NFXL1: variants seen among roughly 807,000 people sequenced by gnomAD.
The protein encoded by NFXL1 is NF-X1-type zinc finger protein NFXL1.
Under a neutral mutation model 123.3 loss-of-function variants are expected in NFXL1, and 66 were observed. That is an observed-to-expected ratio of 0.54 (90% confidence interval 0.44 to 0.66). The LOEUF (loss-of-function observed/expected upper bound fraction) is 0.66, where lower values mean the gene tolerates loss of function less well. Among genes scored for constraint, NFXL1 ranks in the 30% least tolerant of loss-of-function variants. The probability of loss-of-function intolerance (pLI) is 0.00; values close to 1 mark genes in which losing one functional copy is unlikely to be tolerated. For missense variants in NFXL1, 944 were observed against 1,125.6 expected (o/e 0.84, Z 2.31); for synonymous variants, 346 against 360.8 (o/e 0.96, Z 0.46).
At position 47,848,071 on chromosome 4, in the gene NFXL1, T is replaced by C; in HGVS notation, c.*92A>G. 5 of 742,558 alleles carry C rather than the reference T, an allele frequency of 6.7e-6. No homozygotes were observed. The highest frequency in any genetic ancestry group is 1.1e-5 in the Non-Finnish European group (5 of 469,092). The allele number at this position is 742,558 out of a possible 1,614,324, so 46.0% of individuals were successfully genotyped here. A position where few individuals can be genotyped will look rare whatever the true frequency, so the allele number is the denominator to read the frequency against. The stretch of plus-strand genomic sequence containing the variant: ...GAATACAGAGATGAATGTAAATATA[T>C]ATCATGTTCTATAATATACATTTTC... On this transcript the variant is annotated 3_prime_UTR_variant, in exon 23 of 23. Coordinates refer to ENST00000507489, the MANE Select transcript of NFXL1 (RefSeq NM_001278624.2).
intron 2 of NFXL1, 104 bp downstream of exon 2, chr4:47,913,865 A>C (rs1215832359): frequency 9.5e-6 from 7 of 734,796 alleles, no homozygotes; most frequent in Non-Finnish European, 1.5e-5. Context: ...CTCCCGAACG[A>C]GGGGAAAAGC....
chr4:47,877,287 T>A, intron 17 of NFXL1: 1 of 404,458 alleles, frequency 2.5e-6, no homozygotes, highest in East Asian at 7.1e-5. Flanking sequence ...ATTATCTTCC[T>A]GGATCACTTC....
rs538632387 is a variant in NFXL1 at position 47,855,168 on chromosome 4, A to T, written c.2317-5T>A. ...GCATCTATGACCACAAGGAAGCTAA[A>T]ATAAAATCAAAATAAAGCAATTACA... On this transcript the variant is annotated splice_polypyrimidine_tract_variant and splice_region_variant and intron_variant, in intron 19 of 22. Coordinates refer to ENST00000507489, the MANE Select transcript of NFXL1 (RefSeq NM_001278624.2). 31 of 1,521,706 alleles carry T rather than the reference A, an allele frequency of 2.0e-5. No homozygotes were observed. In the South Asian group the frequency reaches 3.6e-4, roughly 18 times the overall value. The allele number at this position is 1,521,706 out of a possible 1,614,324, so 94.3% of individuals were successfully genotyped here.
In NFXL1 at chr4:47,914,427, A is replaced by G; in HGVS notation, c.-65T>C. ...TGGACCGAAGAGGGGAGGGAGGACT[A>G]GGTACAGAAATAAACCGCGGAGCAA... On this transcript the variant is annotated 5_prime_UTR_variant, in exon 1 of 23. Coordinates refer to ENST00000507489, the MANE Select transcript of NFXL1 (RefSeq NM_001278624.2). The G allele has an allele frequency of 2.0e-6, 1 of 501,102 alleles. No homozygotes were observed. Among genetic ancestry groups the G allele is most frequent in the Non-Finnish European group, 3.6e-6 (1 of 281,242 alleles). 31.0% of individuals were successfully genotyped at this position (501,102 alleles called of 1,614,324 possible).
intron 10 of NFXL1, among the ~76,000 whole-genome samples, chr4:47,894,707 A>G (rs1025372208): frequency 7.2e-5 from 11 of 152,224 alleles, no homozygotes; most frequent in Admixed American, 3.9e-4. Flanking sequence ...TAAAGTCTCA[A>G]GTCTAGGCCT....
At chr4:47,912,830 A>T (rs533851202) in intron 2 of NFXL1, among the ~76,000 whole-genome samples, 12 of 132,598 alleles carry the variant, frequency 9.0e-5, no homozygotes, top group Admixed American at 8.7e-4. Flanking sequence ...CGTCTCTACT[A>T]AAAAAAAAAA....
rs13103697 is a variant in NFXL1, at chr4:47,847,374, C to T, written c.*789G>A. ...TGTTTTCATAAGAACTGATTATTTTCAGCTGAAATCTATTTAAGATTGTGG... is the reference window on the plus strand; with the variant it reads ...TGTTTTCATAAGAACTGATTATTTTTAGCTGAAATCTATTTAAGATTGTGG... On this transcript the variant is annotated 3_prime_UTR_variant, in exon 23 of 23. Transcript: ENST00000507489. 3.9e-5 allele frequency: 6 copies of T among 152,128 alleles called. No individual in the cohort carries two copies. The highest frequency in any genetic ancestry group is 7.4e-5 in the Non-Finnish European group (5 of 67,996). 9.4% of individuals were successfully genotyped at this position (152,128 alleles called of 1,614,324 possible). A position where few individuals can be genotyped will look rare whatever the true frequency, so the allele number is the denominator to read the frequency against.
rs781115888 is a variant in NFXL1, at chr4:47,896,503, T to C, written c.1329+20A>G. The C allele has an allele frequency of 6.2e-7, 1 of 1,601,044 alleles. No individual in the cohort carries two copies. The highest frequency in any genetic ancestry group is 1.7e-5 in the Admixed American group (1 of 59,830). Reference sequence around the variant, plus strand: ...ATGATAGGTAGCTCTTAAAAGTAATTATTACAGGAGATGACTAACTTGTCT... The same window carrying C: ...ATGATAGGTAGCTCTTAAAAGTAATCATTACAGGAGATGACTAACTTGTCT... On this transcript the variant is annotated intron_variant, in intron 10 of 22. Coordinates refer to ENST00000507489, the MANE Select transcript of NFXL1 (RefSeq NM_001278624.2).
At chr4:47,851,441 A>G (rs111363904) in intron 21 of NFXL1, among the ~76,000 whole-genome samples, 70 of 152,224 alleles carry the variant, frequency 4.6e-4, no homozygotes, top group African/African-American at 1.4e-3. Context: ...CAAATTTTAA[A>G]ACTGCCTTTT....
At chr4:47,886,136 A>T in intron 12 of NFXL1, 137 bp from the exon 13 acceptor site, 1 of 727,336 alleles carries the variant, frequency 1.4e-6, no homozygotes, top group Non-Finnish European at 2.3e-6. Flanking sequence ...AACATGAATG[A>T]ATCTTACCAC....
chr4:47,852,713 G>T (rs951360862), intron 20 of NFXL1, among the ~76,000 whole-genome samples: 4 of 152,056 alleles, frequency 2.6e-5, no homozygotes, highest in African/African-American at 9.7e-5. Context: ...CTACTGAGTT[G>T]AAGAGTGGTC....
At chr4:47,875,417 G>T in intron 17 of NFXL1, 124 bp from the exon 18 acceptor site, 1 of 621,722 alleles carries the variant, frequency 1.6e-6, no homozygotes, top group Non-Finnish European at 2.7e-6. Flanking sequence ...TAGAAACAGA[G>T]TTAATCAAAC....
rs1167350775 is a variant in NFXL1, at chr4:47,851,887, G to A, written c.2477C>T (p.Thr826Met). 7.5e-6 allele frequency: 12 copies of A among 1,609,910 alleles called. No homozygotes were observed. Among genetic ancestry groups the A allele is most frequent in the Admixed American group, 3.3e-5 (2 of 59,842 alleles). The change falls in exon 21 of 23, where the codon ACG (threonine) becomes ATG (methionine). Residue 826 changes from threonine (T) to methionine (M), a missense_variant. Physicochemically the swap from Thr to Met is moderately conservative, Grantham distance 81. Transcript: ENST00000507489. ...TGCTTTCCGCTTCATTTCCTTGCAC[G>A]TTGTGTCACATTCTATTGAAACCTG... ...ENQVSIECDT[T>M]CKEMKRKASE... is the part of the protein sequence containing the mutation.
intron 19 of NFXL1, among the ~76,000 whole-genome samples, chr4:47,856,148 T>C (rs555947564): frequency 2.0e-5 from 3 of 152,166 alleles, no homozygotes; most frequent in Admixed American, 2.0e-4. Context: ...TCAGACTACC[T>C]GGAACTGAGT....
intron 22 of NFXL1, among the ~76,000 whole-genome samples, chr4:47,848,870 CAGAG>C (rs1733962470): frequency 6.6e-6 from 1 of 152,080 alleles, no homozygotes; most frequent in South Asian, 2.1e-4. Context: ...GCCTGGGCAA[CAGAG>C]AGAGACTCCA....
chr4:47,871,178 G>A (rs543914813), intron 18 of NFXL1, among the ~76,000 whole-genome samples: 70 of 152,102 alleles, frequency 4.6e-4, no homozygotes, highest in Non-Finnish European at 8.4e-4. Flanking sequence ...GTGAAACCCT[G>A]TCTCTACTAA....
chr4:47,857,043 T>C (rs1734454935), intron 19 of NFXL1, among the ~76,000 whole-genome samples: 1 of 152,196 alleles, frequency 6.6e-6, no homozygotes, highest in Admixed American at 6.5e-5. Flanking sequence ...GTAATTACAT[T>C]AGTCATTTTC....
chr4:47,884,396 T>G lies in NFXL1; in HGVS notation c.1866A>C (p.Ala622=). Reference sequence around the variant, plus strand: ...GACACGGTAATGCAGTCTGAATAAATGCTGGCTCAGAAGGCTGTTCCCAAG... The same window carrying G: ...GACACGGTAATGCAGTCTGAATAAAGGCTGGCTCAGAAGGCTGTTCCCAAG... ...TGPWEQPSEP[A]FIQTALPCPP... is the part of the protein sequence containing the mutation. The change falls in exon 15 of 23, where the codon GCA becomes GCC. Residue 622 remains alanine (A), a synonymous_variant. Transcript: ENST00000507489. 6.2e-7 allele frequency: 1 copy of G among 1,612,098 alleles called. No individual in the cohort carries two copies. The highest frequency in any genetic ancestry group is 8.5e-7 in the Non-Finnish European group (1 of 1,178,416).
At chr4:47,906,054 T>G (rs1409411236) in intron 3 of NFXL1, among the ~76,000 whole-genome samples, 1 of 152,216 alleles carries the variant, frequency 6.6e-6, no homozygotes, top group Non-Finnish European at 1.5e-5. Context: ...AAGAATTAAC[T>G]TCAGTTTGCC....
Sources: allele counts gnomAD v4.1 joint callset (sites outside exome capture counted in the v4.1 genomes callset), GRCh38; gene constraint gnomAD v4.1.1; transcripts MANE v1.5; gene names NCBI Gene and HGNC (gene_info 2026-07-23, HGNC 2026-07-21).